The following PLCL2 variants were observed in gnomAD, a reference collection of about 807,000 sequenced individuals.
PLCL2 encodes the protein phospholipase C like 2, also known as inactive phospholipase C-like protein 2.
PLCL2 carries 4 observed loss-of-function variants against 79.6 expected under a neutral mutation model. The observed-to-expected ratio is 0.05, with a 90% confidence interval of 0.02 to 0.11. The LOEUF (loss-of-function observed/expected upper bound fraction) is 0.11. Among genes scored for constraint, PLCL2 ranks in the 10% least tolerant of loss-of-function variants. The probability of loss-of-function intolerance (pLI) is 1.00; values close to 1 mark genes in which losing one functional copy is unlikely to be tolerated. For missense variants in PLCL2, 895 were observed against 1,291.0 expected (o/e 0.69, Z 4.70); for synonymous variants, 484 against 457.7 (o/e 1.06, Z -0.73).
intron 5 of PLCL2, among the ~76,000 whole-genome samples, chr3:17,078,579 A>G (rs2065131272): frequency 6.6e-6 from 1 of 152,174 alleles, no homozygotes; most frequent in African/African-American, 2.4e-5. Context: ...CTACCATCAG[A>G]AACAAGGCTA....
intron 4 of PLCL2, among the ~76,000 whole-genome samples, chr3:17,067,751 C>T (rs2124943159): frequency 6.6e-6 from 1 of 152,272 alleles, no homozygotes; most frequent in South Asian, 2.1e-4. Context: ...GGAACAATTG[C>T]TGACTTCGAA....
At chr3:17,050,520 A>G (rs751899370) in intron 4 of PLCL2, among the ~76,000 whole-genome samples, 1 of 152,224 alleles carries the variant, frequency 6.6e-6, no homozygotes, top group Non-Finnish European at 1.5e-5. Context: ...AAGACATACA[A>G]ATGAAAAACA....
At chr3:16,897,618 A>C (rs1272456047) in intron 1 of PLCL2, among the ~76,000 whole-genome samples, 1 of 152,238 alleles carries the variant, frequency 6.6e-6, no homozygotes, top group East Asian at 1.9e-4. Context: ...ATAAATCGGC[A>C]CTTGCCAGAC....
At chr3:17,050,653 G>C (rs1400123029) in intron 4 of PLCL2, among the ~76,000 whole-genome samples, 1 of 152,106 alleles carries the variant, frequency 6.6e-6, no homozygotes, top group African/African-American at 2.4e-5. Flanking sequence ...AACAAATTCT[G>C]GCGAGGCTGT....
intron 2 of PLCL2, among the ~76,000 whole-genome samples, chr3:17,013,817 A>G (rs1243981324): frequency 6.6e-6 from 1 of 152,164 alleles, no homozygotes; most frequent in Non-Finnish European, 1.5e-5. Flanking sequence ...ACTCACGGTG[A>G]CTCAAAGCAT....
chr3:16,962,007 G>T (rs1025705763), intron 1 of PLCL2, among the ~76,000 whole-genome samples: 1 of 152,150 alleles, frequency 6.6e-6, no homozygotes, highest in Non-Finnish European at 1.5e-5. Flanking sequence ...AGGAATCTGG[G>T]ACTGATGAGC....
At chr3:16,924,256 C>T (rs564114933) in intron 1 of PLCL2, among the ~76,000 whole-genome samples, 42 of 152,222 alleles carry the variant, frequency 2.8e-4, no homozygotes, top group African/African-American at 9.6e-4. Flanking sequence ...CCCCACTCCC[C>T]AGGGTTTGTT....
intron 4 of PLCL2, among the ~76,000 whole-genome samples, chr3:17,065,634 T>C (rs1396656346): frequency 1.3e-5 from 2 of 152,234 alleles, no homozygotes; most frequent in Non-Finnish European, 2.9e-5. Flanking sequence ...ACCTTGATGT[T>C]AGAAAAATCC....
chr3:16,946,153 G>C (rs1203651017), intron 1 of PLCL2, among the ~76,000 whole-genome samples: 2 of 152,082 alleles, frequency 1.3e-5, no homozygotes, highest in African/African-American at 4.8e-5. Context: ...GACTTAAATT[G>C]AATATTGGAA....
At chr3:16,941,212 CT>C (rs1279434468) in intron 1 of PLCL2, among the ~76,000 whole-genome samples, 2 of 152,214 alleles carry the variant, frequency 1.3e-5, no homozygotes, top group Non-Finnish European at 2.9e-5. Context: ...CTATTGCCTG[CT>C]GACATCATTA....
chr3:16,994,165 A>G (rs1249923509), intron 1 of PLCL2, among the ~76,000 whole-genome samples: 1 of 152,164 alleles, frequency 6.6e-6, no homozygotes, highest in Non-Finnish European at 1.5e-5. Flanking sequence ...TTTTAGTTTG[A>G]TAAGCTAATT....
At chr3:16,929,705 C>T (rs912099578) in intron 1 of PLCL2, among the ~76,000 whole-genome samples, 16 of 152,180 alleles carry the variant, frequency 1.1e-4, no homozygotes, top group Non-Finnish European at 2.1e-4. Context: ...ATCTCCAAAT[C>T]TTGGAGGCCT....
intron 1 of PLCL2, among the ~76,000 whole-genome samples, chr3:16,912,738 A>G (rs1474434836): frequency 6.6e-6 from 1 of 152,222 alleles, no homozygotes; most frequent in Admixed American, 6.5e-5. Context: ...TTAATGCACA[A>G]TTCTGAATTG....
chr3:17,032,363 A>G (rs1279930226), intron 3 of PLCL2, among the ~76,000 whole-genome samples: 2 of 152,184 alleles, frequency 1.3e-5, no homozygotes, highest in Non-Finnish European at 2.9e-5. Context: ...ACTTGTCTGC[A>G]TAAAAATAAA....
At chr3:16,999,624 A>T (rs1033447284) in intron 1 of PLCL2, among the ~76,000 whole-genome samples, 1 of 152,198 alleles carries the variant, frequency 6.6e-6, no homozygotes, top group Non-Finnish European at 1.5e-5. Context: ...GGCACAGAGG[A>T]CATGCAGTGC....
At chr3:17,002,960 A>G (rs1409804005) in intron 1 of PLCL2, among the ~76,000 whole-genome samples, 7 of 151,742 alleles carry the variant, frequency 4.6e-5, no homozygotes, top group Non-Finnish European at 8.8e-5. Context: ...ATATTTTATA[A>G]TTCCCATCTT....
rs1452593289 is a variant in PLCL2, at chr3:17,057,647, G to A, written c.3095-10309G>A. Among the ~76,000 whole-genome samples, 14 of 152,196 alleles carry A rather than the reference G, an allele frequency of 9.2e-5. No individual in the cohort carries two copies. In the East Asian group the frequency reaches 1.7e-3, roughly 19 times the overall value. ...TGGCTGTCATCCAAATAGAAGGGCC[G>A]CTTGAGTGGATGAGTTCTCTGTAAT... On this transcript the variant is annotated intron_variant, in intron 4 of 5. Transcript: ENST00000615277.
intron 3 of PLCL2, among the ~76,000 whole-genome samples, chr3:17,032,668 C>T (rs2064596718): frequency 6.6e-6 from 1 of 152,134 alleles, no homozygotes; most frequent in East Asian, 1.9e-4. Context: ...TAGGTCCATG[C>T]AGTGCGCATT....
At chr3:16,901,565 C>G (rs563639587) in intron 1 of PLCL2, among the ~76,000 whole-genome samples, 1 of 152,340 alleles carries the variant, frequency 6.6e-6, no homozygotes, top group South Asian at 2.1e-4. Context: ...TAGCCTTTGT[C>G]TTGAGACCTG....
Sources: gnomAD v4.1 joint callset for allele counts (sites outside exome capture counted in the v4.1 genomes callset) on GRCh38, gnomAD v4.1.1 for gene constraint, MANE v1.5 for transcripts, NCBI Gene and HGNC (gene_info 2026-07-23, HGNC 2026-07-21) for gene names.